Variants in FBXW7 observed in about 807,000 individuals in gnomAD.
FBXW7 encodes the protein F-box/WD repeat-containing protein 7.
Under a neutral mutation model 86.3 loss-of-function variants are expected in FBXW7, and 11 were observed. The ratio of observed to expected loss-of-function variants is 0.13; its 90% CI spans 0.08 to 0.21. The LOEUF is 0.21. Ranked by LOEUF, FBXW7 falls within the 10% of genes least tolerant of loss-of-function variation. The probability of loss-of-function intolerance (pLI) is 1.00; values close to 1 mark genes in which losing one functional copy is unlikely to be tolerated. For missense variants in FBXW7, 488 were observed against 847.4 expected, an observed-to-expected ratio of 0.58 and a Z score of 5.27; for synonymous variants, 313 against 297.9, an observed-to-expected ratio of 1.05 and a Z score of -0.52.
intron 2 of FBXW7, among the ~76,000 whole-genome samples, chr4:152,482,684 G>C (rs1744988190): frequency 6.6e-6 from 1 of 152,274 alleles, no homozygotes; most frequent in Admixed American, 6.5e-5. Flanking sequence ...CTGGTAGACA[G>C]AACAGGGTGG....
At position 152,535,424 on chromosome 4, in the gene FBXW7, G is replaced by C; in HGVS notation, c.-510C>G. Reference sequence around the variant, plus strand: ...TGAGGGGAGGGGGAAGGTGAGGAAAGGACGGCGGCGTCGGTCCTGTTCTCT... The same window carrying C: ...TGAGGGGAGGGGGAAGGTGAGGAAACGACGGCGGCGTCGGTCCTGTTCTCT... On this transcript the variant is annotated 5_prime_UTR_variant, in exon 1 of 14. Transcript: ENST00000281708. The C allele has an allele frequency of 2.6e-6, 1 of 389,176 alleles. No homozygotes were observed. Among genetic ancestry groups the C allele is most frequent in the Non-Finnish European group, 4.5e-6 (1 of 220,336 alleles). The allele number at this position is 389,176 out of a possible 1,614,324, so 24.1% of individuals were successfully genotyped here. A position where few individuals can be genotyped will look rare whatever the true frequency, so the allele number is the denominator to read the frequency against.
intron 2 of FBXW7, among the ~76,000 whole-genome samples, chr4:152,465,683 A>C (rs547743876): frequency 3.9e-4 from 60 of 151,982 alleles, no homozygotes; most frequent in Non-Finnish European, 7.2e-4. Flanking sequence ...ATCTCTACTA[A>C]AAATACAAAA....
At chr4:152,349,448 G>C (rs1267376505) in intron 5 of FBXW7, among the ~76,000 whole-genome samples, 7 of 151,910 alleles carry the variant, frequency 4.6e-5, no homozygotes, top group Non-Finnish European at 1.0e-4. Flanking sequence ...GTGAGAGTGG[G>C]AAAAGTTTTA....
At chr4:152,410,074 GC>G (rs1737796547) in intron 4 of FBXW7, among the ~76,000 whole-genome samples, 1 of 152,094 alleles carries the variant, frequency 6.6e-6, no homozygotes, top group African/African-American at 2.4e-5. Context: ...TGTCTAACTA[GC>G]TTTTTTTGCT....
At position 152,392,480 on chromosome 4, in the gene FBXW7, G is replaced by T. The variant is rs535129079; in HGVS notation, c.501+18823C>A. 9.9e-4 allele frequency among the ~76,000 whole-genome samples: 150 copies of T among 152,180 alleles called. 1 individual carries two copies. Among genetic ancestry groups the T allele is most frequent in the Non-Finnish European group, 1.8e-3 (120 of 68,002 alleles). On this transcript the variant is annotated intron_variant, in intron 4 of 13. Coordinates refer to ENST00000281708, the MANE Select transcript of FBXW7 (RefSeq NM_001349798.2). Reference sequence around the variant, plus strand: ...GATGTTAGGAGATGATACGGAAAAAGAATTTCTGGGTCAGCCCTCAGCTGT... The same window carrying T: ...GATGTTAGGAGATGATACGGAAAAATAATTTCTGGGTCAGCCCTCAGCTGT...
chr4:152,398,540 A>G (rs1736630852), intron 4 of FBXW7, among the ~76,000 whole-genome samples: 1 of 151,402 alleles, frequency 6.6e-6, no homozygotes, highest in African/African-American at 2.4e-5. Flanking sequence ...ATGCTAAATG[A>G]AAAAAAATAG....
intron 2 of FBXW7, among the ~76,000 whole-genome samples, chr4:152,430,770 C>G (rs1739816913): frequency 6.6e-6 from 1 of 152,074 alleles, no homozygotes; most frequent in Non-Finnish European, 1.5e-5. Context: ...ATGTAACTTT[C>G]AGAAATTTTC....
At chr4:152,331,330 C>CA (rs1335241627) in intron 8 of FBXW7, among the ~76,000 whole-genome samples, 1 of 151,906 alleles carries the variant, frequency 6.6e-6, no homozygotes, top group East Asian at 1.9e-4. Flanking sequence ...GCAAGCAATC[C>CA]AAGGGTCCAT....
intron 2 of FBXW7, chr4:152,530,958 A>G (rs1190156862): frequency 1.3e-5 from 2 of 152,234 alleles, no homozygotes; most frequent in African/African-American, 4.8e-5. Context: ...TTCTCTACAC[A>G]ATGAGATGTC....
At chr4:152,403,103 T>A (rs774472457) in intron 4 of FBXW7, among the ~76,000 whole-genome samples, 1 of 152,040 alleles carries the variant, frequency 6.6e-6, no homozygotes, top group Non-Finnish European at 1.5e-5. Flanking sequence ...ATTAGTTTGA[T>A]GAAATGGGGA....
At chr4:152,324,472 A>C (rs1158351087) in intron 12 of FBXW7, 78 bp from the exon 13 acceptor site, 2 of 1,175,604 alleles carry the variant, frequency 1.7e-6, no homozygotes, top group Admixed American at 4.2e-5. Context: ...CTAGTAGGAA[A>C]GGGGGAAGAG....
intron 2 of FBXW7, among the ~76,000 whole-genome samples, chr4:152,470,188 T>C (rs77741090): frequency 0.014 from 2,078 of 152,144 alleles, 26 homozygotes; most frequent in Middle Eastern, 0.037. Flanking sequence ...ATAATTTAAA[T>C]TTTATAGGTA....
intron 4 of FBXW7, among the ~76,000 whole-genome samples, chr4:152,367,137 G>T (rs2126720961): frequency 6.6e-6 from 1 of 152,206 alleles, no homozygotes; most frequent in African/African-American, 2.4e-5. Flanking sequence ...GGGGTTGAGG[G>T]ATGGGGCAAG....
At chr4:152,505,297 C>T (rs1747310750) in intron 2 of FBXW7, among the ~76,000 whole-genome samples, 1 of 152,104 alleles carries the variant, frequency 6.6e-6, no homozygotes, top group South Asian at 2.1e-4. Flanking sequence ...TGTATACTAC[C>T]ATACACTTTA....
intron 2 of FBXW7, among the ~76,000 whole-genome samples, chr4:152,426,056 C>T (rs944721317): frequency 1.3e-5 from 2 of 152,140 alleles, no homozygotes; most frequent in Admixed American, 1.3e-4. Flanking sequence ...CTGAAATCCT[C>T]AAGCAGTGAC....
chr4:152,373,179 G>A (rs912035567), intron 4 of FBXW7, among the ~76,000 whole-genome samples: 1 of 152,018 alleles, frequency 6.6e-6, no homozygotes, highest in East Asian at 1.9e-4. Flanking sequence ...TTACTTACTA[G>A]CTAAGGGGCA....
At chr4:152,324,602 G>A in intron 12 of FBXW7, 1 of 506,948 alleles carries the variant, frequency 2.0e-6, no homozygotes, top group Non-Finnish European at 3.5e-6. Context: ...CTATCAGAAA[G>A]GCTCATCTTT....
At chr4:152,465,147 A>G (rs1207785568) in intron 2 of FBXW7, among the ~76,000 whole-genome samples, 1 of 152,184 alleles carries the variant, frequency 6.6e-6, no homozygotes, top group Non-Finnish European at 1.5e-5. Context: ...AAGCGACTAT[A>G]GACTCTAGTG....
chr4:152,481,869 GATGGA>G (rs1744913974), intron 2 of FBXW7, among the ~76,000 whole-genome samples: 1 of 152,222 alleles, frequency 6.6e-6, no homozygotes, highest in African/African-American at 2.4e-5. Flanking sequence ...GATTTCTTTA[GATGGA>G]ATCCACTTTT....
Sources: allele counts gnomAD v4.1 joint callset (sites outside exome capture counted in the v4.1 genomes callset), GRCh38; gene constraint gnomAD v4.1.1; transcripts MANE v1.5; gene names NCBI Gene and HGNC (gene_info 2026-07-23, HGNC 2026-07-21).